KL: variants seen among roughly 807,000 people sequenced by gnomAD.
KL encodes the protein klotho.
In KL, 62 loss-of-function variants were observed where a neutral mutation model predicts 84.2. That is an observed-to-expected ratio of 0.74 (90% CI 0.60 to 0.91). The LOEUF is 0.91. Among genes scored for constraint, KL ranks in the 40% least tolerant of loss-of-function variants. The pLI, the probability that KL is intolerant of heterozygous loss-of-function variation, is 0.00. For synonymous variants in KL, 528 were observed against 528.0 expected (o/e 1.00, Z 0.00); for missense variants, 1,261 against 1,305.7 (o/e 0.97, Z 0.53).
At chr13:33,050,845 T>C (rs1300158373) in intron 1 of KL, among the ~76,000 whole-genome samples, 1 of 152,232 alleles carries the variant, frequency 6.6e-6, no homozygotes, top group Non-Finnish European at 1.5e-5. Flanking sequence ...CTCACTTGCA[T>C]TATGTCATTT....
chr13:33,047,044 A>G (rs1353058914), intron 1 of KL, among the ~76,000 whole-genome samples: 2 of 152,266 alleles, frequency 1.3e-5, no homozygotes, highest in East Asian at 3.9e-4. Context: ...ATTTATTAAG[A>G]CTTATTTTCT....
At chr13:33,045,737 C>T (rs895487396) in intron 1 of KL, among the ~76,000 whole-genome samples, 1 of 152,194 alleles carries the variant, frequency 6.6e-6, no homozygotes, top group African/African-American at 2.4e-5. Flanking sequence ...CCTCGGCCTC[C>T]CAAAGTGCTG....
At chr13:33,041,660 G>A (rs1204843754) in intron 1 of KL, among the ~76,000 whole-genome samples, 1 of 151,954 alleles carries the variant, frequency 6.6e-6, no homozygotes, top group African/African-American at 2.4e-5. Context: ...GCTAATAAGG[G>A]GGCAGAATTA....
chr13:33,064,061 G>A lies in KL; in HGVS notation c.2914G>A (p.Glu972Lys). Residue 972 changes from glutamate to lysine, a missense_variant, in exon 5 of 5, where the codon GAG becomes AAG. By Grantham distance (56) the Glu-to-Lys change is moderately conservative. Transcript: ENST00000380099. ...TCCAGAAGAATTCACCGTGTGTACTGAGTGCAGTTTTTTTCACACCCGAAA... is the reference window on the plus strand; with the variant it reads ...TCCAGAAGAATTCACCGTGTGTACTAAGTGCAGTTTTTTTCACACCCGAAA... ...FCPEEFTVCT[E>K]CSFFHTRKSL... 1 of 1,614,180 alleles carries A rather than the reference G, an allele frequency of 6.2e-7. No homozygotes were observed. The highest frequency in any genetic ancestry group is 1.7e-5 in the Admixed American group (1 of 60,028).
chr13:33,049,233 C>G (rs1871653700), intron 1 of KL, among the ~76,000 whole-genome samples: 1 of 152,166 alleles, frequency 6.6e-6, no homozygotes, highest in Non-Finnish European at 1.5e-5. Context: ...ACCAGAGTAG[C>G]TTATGAGAGA....
rs1430981707 is a variant in KL at position 33,016,933 on chromosome 13, C to T, written c.493C>T (p.Pro165Ser). Residue 165 changes from proline (P) to serine (S), a missense_variant, in exon 1 of 5, where the codon CCC (proline) becomes TCC (serine). Pro to Ser is a moderately conservative substitution (Grantham distance 74). Transcript: ENST00000380099. ...RVLPNGSAGV[P>S]NREGLRYYRR... is the part of the protein sequence containing the mutation. ...GCTCCCCAATGGCAGCGCGGGCGTC[C>T]CCAACCGCGAGGGGCTGCGCTACTA... The T allele has an allele frequency of 6.2e-7, 1 of 1,609,370 alleles. No homozygotes were observed.
intron 1 of KL, among the ~76,000 whole-genome samples, chr13:33,036,357 C>T (rs999079490): frequency 1.6e-4 from 25 of 151,550 alleles, no homozygotes; most frequent in African/African-American, 6.1e-4. Flanking sequence ...ACACCACACA[C>T]ACATACACAT....
chr13:33,025,197 T>C (rs1425126620), intron 1 of KL, among the ~76,000 whole-genome samples: 1 of 152,036 alleles, frequency 6.6e-6, no homozygotes, highest in African/African-American at 2.4e-5. Context: ...AAAGGAGAGA[T>C]AGGTTAGCGT....
chr13:33,060,987 C>G lies in KL; in HGVS notation c.1908C>G (p.Ala636=). The change falls in exon 4 of 5, where the codon GCC becomes GCG. Residue 636 remains alanine, a synonymous_variant. Transcript: ENST00000380099. ...GTGTCAACATCACCCCAGTGGTGGC[C>G]CTGTGGCAGCCTATGGCCCCGAACC... ...LVRVNITPVV[A]LWQPMAPNQG... 1 of 1,612,730 alleles carries G rather than the reference C, an allele frequency of 6.2e-7. No individual in the cohort carries two copies. The highest frequency in any genetic ancestry group is 8.5e-7 in the Non-Finnish European group (1 of 1,178,968).
intron 1 of KL, among the ~76,000 whole-genome samples, chr13:33,053,501 G>A (rs1020126882): frequency 9.2e-5 from 14 of 152,130 alleles, no homozygotes; most frequent in African/African-American, 3.4e-4. Context: ...TTTTCAAAAT[G>A]TGGATAACTA....
At position 33,017,244 on chromosome 13, in the gene KL, G is replaced by A; in HGVS notation, c.804G>A (p.Ala268=). The A allele has an allele frequency of 1.9e-6, 3 of 1,578,122 alleles. No individual in the cohort carries two copies. Among genetic ancestry groups the A allele is most frequent in the Non-Finnish European group, 1.7e-6 (2 of 1,169,010 alleles). The change falls in exon 1 of 5, where the codon GCG becomes GCA. Residue 268 remains alanine (A), a synonymous_variant. Transcript: ENST00000380099. The part of the protein sequence containing the change: ...RGSPRLGYLV[A]HNLLLAHAKV... ...GCCCGCGGCTCGGGTACCTGGTGGC[G>A]CACAACCTCCTCCTGGTGAGTGCGA... is the stretch of plus-strand genomic sequence containing the variant.
chr13:33,042,460 T>C (rs1871371516), intron 1 of KL, among the ~76,000 whole-genome samples: 1 of 152,166 alleles, frequency 6.6e-6, no homozygotes, highest in Non-Finnish European at 1.5e-5. Context: ...TTTATGTAAA[T>C]GGAATCAAAC....
intron 1 of KL, among the ~76,000 whole-genome samples, chr13:33,042,245 A>G (rs966559830): frequency 6.6e-6 from 1 of 152,188 alleles, no homozygotes; most frequent in Non-Finnish European, 1.5e-5. Context: ...GATCTTTAAA[A>G]TTGATGCACA....
chr13:33,041,800 C>A (rs1239358526), intron 1 of KL, among the ~76,000 whole-genome samples: 4 of 152,168 alleles, frequency 2.6e-5, no homozygotes, highest in African/African-American at 9.7e-5. Context: ...CATCTCAGGT[C>A]CCAGTCTTTT....
rs1309359875 is a variant in KL, at chr13:33,016,908, G to T, written c.468G>T (p.Val156=). Reference sequence around the variant, plus strand: ...GCTTCTCCATCTCGTGGGCGCGAGTGCTCCCCAATGGCAGCGCGGGCGTCC... The same window carrying T: ...GCTTCTCCATCTCGTGGGCGCGAGTTCTCCCCAATGGCAGCGCGGGCGTCC... ...HYRFSISWAR[V]LPNGSAGVPN... is the part of the protein sequence containing the mutation. The change falls in exon 1 of 5, where the codon GTG becomes GTT. Residue 156 remains valine (V), a synonymous_variant. Coordinates refer to ENST00000380099, the MANE Select transcript of KL (RefSeq NM_004795.4). 1.2e-6 allele frequency: 2 copies of T among 1,611,880 alleles called. No homozygotes were observed. The highest frequency in any genetic ancestry group is 1.1e-5 in the South Asian group (1 of 90,988).
chr13:33,017,088 C>G lies in KL; in HGVS notation c.648C>G (p.Phe216Leu), dbSNP rs984994749. The change falls in exon 1 of 5, where the codon TTC becomes TTG. Residue 216 changes from phenylalanine to leucine, a missense_variant. Phe to Leu is a conservative substitution (Grantham distance 22). Transcript: ENST00000380099. ...GWANRALADHFRDYAELCFRH... is the reference protein window; with the variant it reads ...GWANRALADHLRDYAELCFRH... ...CCAACCGCGCCCTGGCCGACCACTTCAGGGATTACGCGGAGCTCTGCTTCC... is the reference window on the plus strand; with the variant it reads ...CCAACCGCGCCCTGGCCGACCACTTGAGGGATTACGCGGAGCTCTGCTTCC... The G allele has an allele frequency of 1.2e-6, 2 of 1,605,580 alleles. No individual in the cohort carries two copies. The highest frequency in any genetic ancestry group is 1.7e-5 in the Admixed American group (1 of 59,968).
In KL at chr13:33,045,702, C is replaced by A. The variant is rs556789842; in HGVS notation, c.820-8065C>A. On this transcript the variant is annotated intron_variant, in intron 1 of 4. Transcript: ENST00000380099. The stretch of plus-strand genomic sequence containing the variant: ...CGATGTTGGTCAGGCTGCTCTCGAA[C>A]TCCTGACCTCAGATGATCCGCCCGC... 2.0e-5 allele frequency among the ~76,000 whole-genome samples: 3 copies of A among 152,280 alleles called. No individual in the cohort carries two copies. The South Asian group carries it at 6.2e-4, about 32-fold the overall frequency.
chr13:33,022,721 T>C (rs1438005941), intron 1 of KL, among the ~76,000 whole-genome samples: 1 of 152,240 alleles, frequency 6.6e-6, no homozygotes, highest in Non-Finnish European at 1.5e-5. Flanking sequence ...ATTTACTCAG[T>C]TGTGGCTCTC....
At chr13:33,046,576 T>A (rs1871537126) in intron 1 of KL, among the ~76,000 whole-genome samples, 1 of 152,144 alleles carries the variant, frequency 6.6e-6, no homozygotes, top group Admixed American at 6.5e-5. Context: ...TTTGTTGATT[T>A]TTTTCAAAGA....
Sources: gnomAD v4.1 joint callset for allele counts (sites outside exome capture counted in the v4.1 genomes callset) on GRCh38, gnomAD v4.1.1 for gene constraint, MANE v1.5 for transcripts, NCBI Gene and HGNC (gene_info 2026-07-23, HGNC 2026-07-21) for gene names.